The following FOXP1 variants were observed in gnomAD, a reference collection of about 807,000 sequenced individuals.
FOXP1 encodes forkhead box P1, also known as forkhead box protein P1.
In FOXP1, 15 loss-of-function variants were observed where a neutral mutation model predicts 98.2. The ratio of observed to expected loss-of-function variants is 0.15; its 90% CI spans 0.10 to 0.24. The LOEUF is 0.24. Among genes scored for constraint, FOXP1 ranks in the 10% least tolerant of loss-of-function variants. The pLI is 1.00. For synonymous variants in FOXP1, 371 were observed against 314.5 expected, an observed-to-expected ratio of 1.18 and a Z score of -1.90; for missense variants, 633 against 848.5, an observed-to-expected ratio of 0.75 and a Z score of 3.15.
chr3:71,574,633 T>C (rs962026586), intron 2 of FOXP1, among the ~76,000 whole-genome samples: 2 of 152,052 alleles, frequency 1.3e-5, no homozygotes, highest in African/African-American at 4.8e-5. Flanking sequence ...GCCAGCAGGG[T>C]TAATCCAAAG....
At chr3:71,204,612 G>A (rs1228348903) in intron 5 of FOXP1, among the ~76,000 whole-genome samples, 1 of 152,148 alleles carries the variant, frequency 6.6e-6, no homozygotes, top group African/African-American at 2.4e-5. Flanking sequence ...GCTGGAGCAG[G>A]TGGCAATGAG....
At position 71,296,175 on chromosome 3, in the gene FOXP1, C is replaced by A. The variant is rs532003095; in HGVS notation, c.-12+3645G>T. ...TATATAATCAGTTATTCCCATAGTA[C>A]CTTTGTAGGCATATTTCTGTGCATC... On this transcript the variant is annotated intron_variant, in intron 5 of 20. Transcript: ENST00000649528. 3.1e-3 allele frequency: 472 copies of A among 152,202 alleles called. 6 individuals carry two copies. Among genetic ancestry groups the A allele is most frequent in the African/African-American group, 0.011 (456 of 41,520 alleles). 9.4% of individuals were successfully genotyped at this position (152,202 alleles called of 1,614,324 possible). A position where few individuals can be genotyped will look rare whatever the true frequency, so the allele number is the denominator to read the frequency against.
intron 4 of FOXP1, among the ~76,000 whole-genome samples, chr3:71,348,618 G>A (rs768669352): frequency 2.0e-5 from 3 of 151,614 alleles, no homozygotes; most frequent in African/African-American, 7.3e-5. Context: ...GTGTGCACAC[G>A]CATATGCATG....
chr3:71,177,840 CTT>C (rs397704711), intron 6 of FOXP1, among the ~76,000 whole-genome samples: 11 of 114,926 alleles, frequency 9.6e-5, no homozygotes, highest in Admixed American at 2.0e-4. Context: ...TTCTTTCTTT[CTT>C]TTTTTTTTTT....
chr3:71,075,947 T>C (rs559017040), intron 7 of FOXP1, among the ~76,000 whole-genome samples: 17 of 152,238 alleles, frequency 1.1e-4, no homozygotes, highest in African/African-American at 3.6e-4. Flanking sequence ...CTCGAACTCC[T>C]GGGCTCAAGT....
chr3:71,092,130 G>T (rs1438333769), intron 7 of FOXP1, among the ~76,000 whole-genome samples: 1 of 152,080 alleles, frequency 6.6e-6, no homozygotes, highest in African/African-American at 2.4e-5. Context: ...GGAGGTTGTA[G>T]TGAGCTGAGA....
At chr3:71,444,254 C>G (rs2086208880) in intron 3 of FOXP1, among the ~76,000 whole-genome samples, 1 of 152,208 alleles carries the variant, frequency 6.6e-6, no homozygotes, top group African/African-American at 2.4e-5. Flanking sequence ...GGCCCACTGG[C>G]TGCCTCTCGT....
intron 13 of FOXP1, among the ~76,000 whole-genome samples, chr3:70,993,128 C>T (rs528832058): frequency 9.8e-5 from 15 of 152,292 alleles, no homozygotes; most frequent in East Asian, 1.9e-4. Flanking sequence ...AAAGTTCGTA[C>T]GGTAATTGAT....
chr3:71,326,495 C>A (rs944974888), intron 4 of FOXP1, among the ~76,000 whole-genome samples: 5 of 152,108 alleles, frequency 3.3e-5, no homozygotes, highest in African/African-American at 1.2e-4. Context: ...TCTGTGATGG[C>A]AGAGCTGATG....
In FOXP1 at chr3:71,307,906, A is replaced by G. The variant is rs73113418; in HGVS notation, c.-72-8026T>C. Among the ~76,000 whole-genome samples the G allele has an allele frequency of 4.0e-3, 616 of 152,342 alleles. 2 individuals carry two copies. Among genetic ancestry groups the G allele is most frequent in the Non-Finnish European group, 5.7e-3 (387 of 68,032 alleles). Reference sequence around the variant, plus strand: ...GTATTAGATACTGTACCCTAAATTAATATTTTAATGAGGACAGTGAAATAA... The same window carrying G: ...GTATTAGATACTGTACCCTAAATTAGTATTTTAATGAGGACAGTGAAATAA... On this transcript the variant is annotated intron_variant, in intron 4 of 20. Coordinates refer to ENST00000649528, the MANE Select transcript of FOXP1 (RefSeq NM_001349338.3).
At chr3:70,971,815 C>CA (rs1454821175) in intron 18 of FOXP1, 1 of 416,620 alleles carries the variant, frequency 2.4e-6, no homozygotes, top group Non-Finnish European at 4.2e-6. Flanking sequence ...TTAAAGACGT[C>CA]AAAAAAGCAT....
intron 2 of FOXP1, among the ~76,000 whole-genome samples, chr3:71,558,271 C>T (rs995984920): frequency 3.3e-5 from 5 of 152,288 alleles, no homozygotes; most frequent in East Asian, 1.9e-4. Context: ...CTGACTCGGA[C>T]GTGCCCCTTC....
intron 3 of FOXP1, among the ~76,000 whole-genome samples, chr3:71,416,182 G>C (rs1273601196): frequency 3.3e-5 from 5 of 152,256 alleles, no homozygotes; most frequent in Non-Finnish European, 7.4e-5. Context: ...AAAACCGAAA[G>C]GGATGAATGC....
chr3:71,353,856 G>T lies in FOXP1; in HGVS notation c.-73+5294C>A, dbSNP rs72957347. On this transcript the variant is annotated intron_variant, in intron 4 of 20. Coordinates refer to ENST00000649528, the MANE Select transcript of FOXP1 (RefSeq NM_001349338.3). ...GTGGAACAATATAGCAAAAATAATA[G>T]ATCATCTTCTTCAAGCAGGTGGAAG... Among the ~76,000 whole-genome samples the T allele has an allele frequency of 4.7e-3, 708 of 152,220 alleles. 6 individuals are homozygous for T. Among genetic ancestry groups the T allele is most frequent in the African/African-American group, 0.016 (679 of 41,530 alleles).
chr3:71,197,615 T>A (rs770628394), intron 6 of FOXP1, among the ~76,000 whole-genome samples: 10 of 152,192 alleles, frequency 6.6e-5, no homozygotes, highest in Non-Finnish European at 1.3e-4. Context: ...AACCCAGTGC[T>A]GCATGAATAC....
At position 71,190,298 on chromosome 3, in the gene FOXP1, T is replaced by C. The variant is rs115539448; in HGVS notation, c.180+7904A>G. 2.5e-3 allele frequency among the ~76,000 whole-genome samples: 377 copies of C among 152,092 alleles called. 5 individuals are homozygous for C. Among genetic ancestry groups the C allele is most frequent in the African/African-American group, 9.0e-3 (373 of 41,512 alleles). On this transcript the variant is annotated intron_variant, in intron 6 of 20. Coordinates refer to ENST00000649528, the MANE Select transcript of FOXP1 (RefSeq NM_001349338.3). ...CCCTCCACCCCCATTTTCTTCCACA[T>C]ACGGAGGCTCAATAAATAATAGTTA...
At chr3:71,113,811 G>A (rs2058143226) in intron 6 of FOXP1, among the ~76,000 whole-genome samples, 1 of 149,812 alleles carries the variant, frequency 6.7e-6, no homozygotes, top group Non-Finnish European at 1.5e-5. Context: ...CCGCCATGAA[G>A]ACATTCACTG....
intron 5 of FOXP1, among the ~76,000 whole-genome samples, chr3:71,229,045 G>A (rs2066073591): frequency 6.7e-6 from 1 of 150,344 alleles, no homozygotes; most frequent in African/African-American, 2.4e-5. Context: ...AAGGGGGAAA[G>A]TTGGCCTTTT....
intron 9 of FOXP1, 50 bp from the exon 10 acceptor site, chr3:71,047,145 T>C: frequency 6.2e-7 from 1 of 1,607,734 alleles, no homozygotes; most frequent in South Asian, 1.1e-5. Flanking sequence ...CCAAGGAAGG[T>C]TAAAAGTATG....
Sources: allele counts gnomAD v4.1 joint callset (sites outside exome capture counted in the v4.1 genomes callset), GRCh38; gene constraint gnomAD v4.1.1; transcripts MANE v1.5; gene names NCBI Gene and HGNC (gene_info 2026-07-23, HGNC 2026-07-21).